The following CSMD1 variants were observed in gnomAD, a reference collection of about 807,000 sequenced individuals.
CSMD1 encodes CUB and Sushi multiple domains 1, also known as CUB and sushi domain-containing protein 1.
In CSMD1, 213 loss-of-function variants were observed where a neutral mutation model predicts 417.5. That is an observed-to-expected ratio of 0.51 (90% CI 0.46 to 0.57). The LOEUF (loss-of-function observed/expected upper bound fraction) is 0.57. Among genes scored for constraint, CSMD1 ranks in the 20% least tolerant of loss-of-function variants. The pLI is 0.00. For missense variants in CSMD1, 6,923 were observed against 4,529.7 expected, an observed-to-expected ratio of 1.53 and a Z score of -15.17; for synonymous variants, 2,862 against 1,736.8, an observed-to-expected ratio of 1.65 and a Z score of -16.11.
chr8:3,949,562 T>G (rs999305165), intron 5 of CSMD1, among the ~76,000 whole-genome samples: 1 of 152,292 alleles, frequency 6.6e-6, no homozygotes, highest in South Asian at 2.1e-4. Context: ...GGGGTTATTT[T>G]GGGGTTCTTT....
At chr8:4,291,380 T>A (rs566758058) in intron 3 of CSMD1, among the ~76,000 whole-genome samples, 3 of 152,150 alleles carry the variant, frequency 2.0e-5, no homozygotes, top group African/African-American at 7.2e-5. Context: ...AAATTTATAC[T>A]TACAACCATG....
chr8:4,817,119 GTATA>G (rs1351344465), intron 1 of CSMD1, among the ~76,000 whole-genome samples: 1 of 152,056 alleles, frequency 6.6e-6, no homozygotes, highest in Non-Finnish European at 1.5e-5. Context: ...CCATGTATCT[GTATA>G]TAAATACATA....
At chr8:4,145,895 A>G (rs1365137827) in intron 3 of CSMD1, among the ~76,000 whole-genome samples, 1 of 150,946 alleles carries the variant, frequency 6.6e-6, no homozygotes, top group Non-Finnish European at 1.5e-5. Flanking sequence ...GTCTTGCTCA[A>G]TGCTCATCCC....
At chr8:3,572,677 T>C (rs1388183310) in intron 10 of CSMD1, among the ~76,000 whole-genome samples, 3 of 152,348 alleles carry the variant, frequency 2.0e-5, no homozygotes, top group South Asian at 2.1e-4. Context: ...CATAATTCTG[T>C]ATTTTGAAAA....
intron 3 of CSMD1, among the ~76,000 whole-genome samples, chr8:4,398,493 C>T (rs552885837): frequency 8.2e-5 from 12 of 146,972 alleles, no homozygotes; most frequent in East Asian, 4.1e-4. Flanking sequence ...CCTGGGTTCA[C>T]GCCATTCTCC....
At position 3,699,127 on chromosome 8, in the gene CSMD1, G is replaced by A. The variant is rs2623586; in HGVS notation, c.1009+9287C>T. On this transcript the variant is annotated intron_variant, in intron 7 of 69. Coordinates refer to ENST00000635120, the MANE Select transcript of CSMD1 (RefSeq NM_033225.6). ...TAAAAGCAAGCATGTCTCAGCCATT[G>A]ACTCAGTAACAAATGAACTCCTTCA... is the stretch of plus-strand genomic sequence containing the variant. Among the ~76,000 whole-genome samples the A allele has an allele frequency of 5.6e-3, 846 of 152,308 alleles. 10 individuals are homozygous for A. Among genetic ancestry groups the A allele is most frequent in the African/African-American group, 0.019 (792 of 41,568 alleles).
At chr8:4,935,274 C>G (rs1407236053) in intron 1 of CSMD1, among the ~76,000 whole-genome samples, 1 of 152,186 alleles carries the variant, frequency 6.6e-6, no homozygotes, top group African/African-American at 2.4e-5. Flanking sequence ...ATATCCTCAA[C>G]CTGAAATTGT....
chr8:3,221,980 C>T (rs989798068), intron 28 of CSMD1, among the ~76,000 whole-genome samples: 1 of 152,134 alleles, frequency 6.6e-6, no homozygotes, highest in Admixed American at 6.5e-5. Context: ...CAGCCTCCTG[C>T]TTGGGAAGCT....
At chr8:4,140,591 C>A (rs1026320263) in intron 3 of CSMD1, among the ~76,000 whole-genome samples, 3 of 150,948 alleles carry the variant, frequency 2.0e-5, no homozygotes, top group African/African-American at 7.5e-5. Flanking sequence ...CTGCTTGAAC[C>A]CAAGAGGTCA....
intron 1 of CSMD1, among the ~76,000 whole-genome samples, chr8:4,705,726 C>A (rs1442459461): frequency 2.6e-5 from 4 of 152,244 alleles, no homozygotes; most frequent in East Asian, 3.9e-4. Context: ...ACCATTTGGA[C>A]ATTACAAATA....
At chr8:4,269,803 A>T (rs1246500076) in intron 3 of CSMD1, among the ~76,000 whole-genome samples, 1 of 152,210 alleles carries the variant, frequency 6.6e-6, no homozygotes, top group Admixed American at 6.5e-5. Context: ...GGTGATACCC[A>T]ATGAAGTCTC....
chr8:3,055,113 A>G (rs1259978295), intron 49 of CSMD1, among the ~76,000 whole-genome samples: 1 of 152,218 alleles, frequency 6.6e-6, no homozygotes, highest in Non-Finnish European at 1.5e-5. Flanking sequence ...GAGCAGGGAA[A>G]GAAATGACAT....
chr8:4,382,407 G>C (rs1803160194), intron 3 of CSMD1, among the ~76,000 whole-genome samples: 1 of 152,178 alleles, frequency 6.6e-6, no homozygotes, highest in African/African-American at 2.4e-5. Flanking sequence ...GTCAATGAAT[G>C]AAGCAAATTA....
At chr8:2,966,065 G>A in intron 58 of CSMD1, 111 bp from the exon 59 acceptor site, 6 of 939,232 alleles carry the variant, frequency 6.4e-6, no homozygotes, top group East Asian at 2.6e-5. Context: ...CAGTGGTTAA[G>A]CAGTGAATTA....
chr8:4,142,562 T>A (rs1474200617), intron 3 of CSMD1, among the ~76,000 whole-genome samples: 1 of 151,290 alleles, frequency 6.6e-6, no homozygotes, highest in Non-Finnish European at 1.5e-5. Flanking sequence ...AAATGACCAT[T>A]TTTATTATAT....
chr8:3,911,277 C>G lies in CSMD1; in HGVS notation c.818+86626G>C, dbSNP rs11776598. On this transcript the variant is annotated intron_variant, in intron 5 of 69. Coordinates refer to ENST00000635120, the MANE Select transcript of CSMD1 (RefSeq NM_033225.6). Reference sequence around the variant, plus strand: ...TTTAGGTCATTTTTCTTTTGTTTAACTGAAGTCTCTATAATCATAGATCCT... The same window carrying G: ...TTTAGGTCATTTTTCTTTTGTTTAAGTGAAGTCTCTATAATCATAGATCCT... Among the ~76,000 whole-genome samples, 797 of 152,138 alleles carry G rather than the reference C, an allele frequency of 5.2e-3. 6 individuals carry two copies. The highest frequency in any genetic ancestry group is 0.01 in the Middle Eastern group (3 of 294).
At chr8:3,497,194 CTTTA>C (rs1217495605) in intron 10 of CSMD1, among the ~76,000 whole-genome samples, 3 of 152,076 alleles carry the variant, frequency 2.0e-5, no homozygotes, top group African/African-American at 7.2e-5. Flanking sequence ...TTTAACACTT[CTTTA>C]TTAATTTTCT....
chr8:4,672,278 G>A (rs1485481398), intron 1 of CSMD1, among the ~76,000 whole-genome samples: 2 of 152,100 alleles, frequency 1.3e-5, no homozygotes, highest in African/African-American at 4.8e-5. Context: ...GATCTCTTGT[G>A]CTCTCCCAAA....
intron 5 of CSMD1, among the ~76,000 whole-genome samples, chr8:3,840,644 T>G (rs1803070607): frequency 6.6e-6 from 1 of 151,770 alleles, no homozygotes; most frequent in African/African-American, 2.4e-5. Context: ...CACTTGCTAG[T>G]GTATAGGATA....
Sources: allele counts gnomAD v4.1 joint callset (sites outside exome capture counted in the v4.1 genomes callset), GRCh38; gene constraint gnomAD v4.1.1; transcripts MANE v1.5; gene names NCBI Gene and HGNC (gene_info 2026-07-23, HGNC 2026-07-21).